Variants in FLNB observed in about 807,000 individuals in gnomAD.
The protein encoded by FLNB is filamin B.
FLNB carries 111 observed loss-of-function variants against 250.6 expected under a neutral mutation model. That is an observed-to-expected ratio of 0.44 (90% CI 0.38 to 0.52). The LOEUF (loss-of-function observed/expected upper bound fraction) is 0.52, where lower values mean the gene tolerates loss of function less well. FLNB is among the 20% of genes least tolerant of loss of function. The probability of loss-of-function intolerance (pLI) is 0.00; values close to 1 mark genes in which losing one functional copy is unlikely to be tolerated. For synonymous variants in FLNB, 1,302 were observed against 1,372.1 expected (o/e 0.95, Z 1.13); for missense variants, 2,869 against 3,447.8 (o/e 0.83, Z 4.20).
At chr3:58,137,993 T>A (rs913717073) in intron 28 of FLNB, among the ~76,000 whole-genome samples, 7 of 152,184 alleles carry the variant, frequency 4.6e-5, no homozygotes, top group Non-Finnish European at 1.0e-4. Flanking sequence ...GCCCAATATG[T>A]TTGCTATTGA....
Position 58,081,521 on chromosome 3 carries a change from C to A in FLNB, c.640-108C>A. On this transcript the variant is annotated intron_variant, in intron 3 of 45. Coordinates refer to ENST00000295956, the MANE Select transcript of FLNB (RefSeq NM_001457.4). ...TAATTTCACTTAATTGAGAAGCTGACTCAGTTTCTTAATATTTGTAGTGCT... is the reference window on the plus strand; with the variant it reads ...TAATTTCACTTAATTGAGAAGCTGAATCAGTTTCTTAATATTTGTAGTGCT... The A allele has an allele frequency of 4.0e-6, 4 of 1,007,068 alleles. No homozygotes were observed. The South Asian group carries it at 5.1e-5, about 13-fold the overall frequency. 62.4% of individuals were successfully genotyped at this position (1,007,068 alleles called of 1,614,324 possible).
Position 58,102,240 on chromosome 3 carries a change from C to G in FLNB, c.1383C>G (p.Gly461=). The G allele has an allele frequency of 6.2e-7, 1 of 1,614,220 alleles. No individual in the cohort carries two copies. Among genetic ancestry groups the G allele is most frequent in the Non-Finnish European group, 8.5e-7 (1 of 1,180,024 alleles). Residue 461 remains glycine (G), a synonymous_variant, in exon 9 of 46, where the codon GGC becomes GGG. Coordinates refer to ENST00000295956, the MANE Select transcript of FLNB (RefSeq NM_001457.4). ...ATGCCTGCCGGGCCAGTGGCCGAGG[C>G]CTACAACCCAAAGGCGTCCGTATCC... is the stretch of plus-strand genomic sequence containing the variant. ...NPNACRASGR[G]LQPKGVRIRE...
intron 18 of FLNB, among the ~76,000 whole-genome samples, chr3:58,114,696 G>GT (rs71091347): frequency 0.21 from 30,966 of 144,326 alleles, 4,097 homozygotes; most frequent in Middle Eastern, 0.34. Flanking sequence ...GCTAACATTT[G>GT]TTTTTTTTCT....
At chr3:58,168,748 G>T in intron 44 of FLNB, 90 bp downstream of exon 44, 1 of 967,836 alleles carries the variant, frequency 1.0e-6, no homozygotes, top group Admixed American at 1.9e-5. Flanking sequence ...GATGGTTTTA[G>T]ATGTGTTAAA....
chr3:58,153,739 A>T, intron 39 of FLNB, 98 bp downstream of exon 39: 2 of 1,377,726 alleles, frequency 1.5e-6, no homozygotes, highest in South Asian at 2.4e-5. Flanking sequence ...GAAAGAGAAG[A>T]CTTCTGATAG....
At position 58,106,708 on chromosome 3, in the gene FLNB, A is replaced by G; in HGVS notation, c.1776A>G (p.Ala592=). The change falls in exon 12 of 46, where the codon GCA becomes GCG. Residue 592 remains alanine (A), a synonymous_variant. Coordinates refer to ENST00000295956, the MANE Select transcript of FLNB (RefSeq NM_001457.4). ...TTGCCATTGAAGGCCCCTCTCAGGCAAAGATTGAGTACAACGACCAGAATG... is the reference window on the plus strand; with the variant it reads ...TTGCCATTGAAGGCCCCTCTCAGGCGAAGATTGAGTACAACGACCAGAATG... The part of the protein sequence containing the change: ...LGFAIEGPSQ[A]KIEYNDQNDG... 6.2e-7 allele frequency: 1 copy of G among 1,614,198 alleles called. No individual in the cohort carries two copies. Among genetic ancestry groups the G allele is most frequent in the East Asian group, 2.2e-5 (1 of 44,882 alleles).
chr3:58,079,668 A>G (rs1378464883), intron 3 of FLNB, among the ~76,000 whole-genome samples: 1 of 152,260 alleles, frequency 6.6e-6, no homozygotes, highest in Non-Finnish European at 1.5e-5. Flanking sequence ...CTCAGAAATC[A>G]AATAAGTCTT....
At chr3:58,128,047 C>T (rs953313336) in intron 24 of FLNB, among the ~76,000 whole-genome samples, 1 of 152,118 alleles carries the variant, frequency 6.6e-6, no homozygotes, top group Non-Finnish European at 1.5e-5. Flanking sequence ...GTGAAGAGGG[C>T]AAAGCCCCAC....
At position 58,169,802 on chromosome 3, in the gene FLNB, C is replaced by A; in HGVS notation, c.7621+9C>A. 1 of 1,092,666 alleles carries A rather than the reference C, an allele frequency of 9.2e-7. No individual in the cohort carries two copies. Among genetic ancestry groups the A allele is most frequent in the Non-Finnish European group, 1.3e-6 (1 of 760,924 alleles). 67.7% of individuals were successfully genotyped at this position (1,092,666 alleles called of 1,614,324 possible). Reference sequence around the variant, plus strand: ...GGACTGCAGCAAAGCTGGTAGGTGTCTGGGCCTTTTCAAGGGTGGGGTGGG... The same window carrying A: ...GGACTGCAGCAAAGCTGGTAGGTGTATGGGCCTTTTCAAGGGTGGGGTGGG... On this transcript the variant is annotated intron_variant, in intron 45 of 45. Transcript: ENST00000295956. The surrounding 1 kb of genome is among the most constrained non-coding windows in gnomAD (Gnocchi z 4.8).
chr3:58,163,300 T>C lies in FLNB; in HGVS notation c.7168T>C (p.Tyr2390His). Residue 2390 changes from tyrosine (Y) to histidine (H), a missense_variant, in exon 43 of 46, where the codon TAT (tyrosine) becomes CAT (histidine). Transcript: ENST00000295956. ...GGGGAACCCTGCCCTGGTGTCCGCC[T>C]ATGGCACGGGACTCGAAGGGGGCAC... ...QAGNPALVSA[Y>H]GTGLEGGTTG... 2 of 1,614,234 alleles carry C rather than the reference T, an allele frequency of 1.2e-6. No individual in the cohort carries two copies. The highest frequency in any genetic ancestry group is 1.7e-6 in the Non-Finnish European group (2 of 1,180,042).
intron 12 of FLNB, among the ~76,000 whole-genome samples, 170 bp downstream of exon 12, chr3:58,107,043 GTTTT>G (rs1485367991): frequency 6.6e-6 from 1 of 151,972 alleles, no homozygotes; most frequent in Non-Finnish European, 1.5e-5. Context: ...TTGTTTGTTT[GTTTT>G]GAGACAGACT....
intron 1 of FLNB, among the ~76,000 whole-genome samples, chr3:58,019,230 G>T (rs1438613338): frequency 1.3e-5 from 2 of 152,142 alleles, no homozygotes; most frequent in African/African-American, 4.8e-5. Context: ...GCTTAACGAT[G>T]GATGGCCAAC....
intron 45 of FLNB, 35 bp from the exon 46 acceptor site, chr3:58,170,540 G>A (rs2097380719): frequency 1.9e-6 from 3 of 1,604,928 alleles, no homozygotes; most frequent in African/African-American, 2.7e-5. Context: ...CTGTCCTGAT[G>A]CATCCGGGTG....
At chr3:58,168,213 G>A (rs1392230800) in intron 43 of FLNB, among the ~76,000 whole-genome samples, 2 of 152,182 alleles carry the variant, frequency 1.3e-5, no homozygotes, top group African/African-American at 4.8e-5. Context: ...GCTTGTGGGC[G>A]AAATGTCAGC....
In FLNB at chr3:58,170,617, C is replaced by T. The variant is rs779527417; in HGVS notation, c.7664C>T (p.Pro2555Leu). ...LLIGVHGPTT[P>L]CEEVSMKHVG... ...ATCGGGGTCCATGGGCCCACCACCC[C>T]CTGCGAGGAGGTCTCCATGAAGCAT... The change falls in exon 46 of 46, where the codon CCC (proline) becomes CTC (leucine). Residue 2555 changes from proline (P) to leucine (L), a missense_variant. Pro to Leu is a moderately conservative substitution (Grantham distance 98). Coordinates refer to ENST00000295956, the MANE Select transcript of FLNB (RefSeq NM_001457.4). 6.2e-7 allele frequency: 1 copy of T among 1,614,170 alleles called. No homozygotes were observed. Among genetic ancestry groups the T allele is most frequent in the Non-Finnish European group, 8.5e-7 (1 of 1,180,044 alleles).
In FLNB at chr3:58,170,582, C is replaced by T. The variant is rs1449531151; in HGVS notation, c.7629C>T (p.Asn2543=). The change falls in exon 46 of 46, where the codon AAC becomes AAT. Residue 2543 remains asparagine, a synonymous_variant. Transcript: ENST00000295956. Reference sequence around the variant, plus strand: ...CCACCTTTTGCCTCCTAGGCTCCAACATGCTGCTGATCGGGGTCCATGGGC... The same window carrying T: ...CCACCTTTTGCCTCCTAGGCTCCAATATGCTGCTGATCGGGGTCCATGGGC... The part of the protein sequence containing the change: ...FLVDCSKAGS[N]MLLIGVHGPT... 6.2e-7 allele frequency: 1 copy of T among 1,614,152 alleles called. No individual in the cohort carries two copies. The highest frequency in any genetic ancestry group is 2.2e-5 in the East Asian group (1 of 44,878).
chr3:58,148,683 T>A lies in FLNB; in HGVS notation c.5922T>A (p.His1974Gln). ...ISFIPREVGEHLVSIKKNGNH... is the reference protein window; with the variant it reads ...ISFIPREVGEQLVSIKKNGNH... ...TCATCCCCCGGGAAGTGGGCGAACA[T>A]CTGGTCAGCATCAAGAAAAATGGCA... Residue 1974 changes from histidine (H) to glutamine (Q), a missense_variant, in exon 36 of 46, where the codon CAT becomes CAA. Transcript: ENST00000295956. 1 of 1,614,106 alleles carries A rather than the reference T, an allele frequency of 6.2e-7. No individual in the cohort carries two copies. The highest frequency in any genetic ancestry group is 8.5e-7 in the Non-Finnish European group (1 of 1,180,022).
At chr3:58,077,020 G>T in intron 1 of FLNB, 26 bp from the exon 2 acceptor site, 1 of 1,613,766 alleles carries the variant, frequency 6.2e-7, no homozygotes, top group South Asian at 1.1e-5. Flanking sequence ...CCAAAGGAAT[G>T]ACCAAGCCTG....
chr3:58,070,936 GCTCT>G (rs528351623), intron 1 of FLNB, among the ~76,000 whole-genome samples: 224 of 147,044 alleles, frequency 1.5e-3, no homozygotes, highest in African/African-American at 5.3e-3. Flanking sequence ...AGGCTCTCTT[GCTCT>G]CTCTCTCTCT....
Sources: gnomAD v4.1 joint callset for allele counts (sites outside exome capture counted in the v4.1 genomes callset) on GRCh38, gnomAD v4.1.1 for gene constraint, Gnocchi (gnomAD v3.1) non-coding constraint, MANE v1.5 for transcripts, NCBI Gene and HGNC (gene_info 2026-07-23, HGNC 2026-07-21) for gene names.